Variants in TNFRSF1B observed in about 807,000 individuals in gnomAD.
The protein encoded by TNFRSF1B is TNF receptor superfamily member 1B.
In TNFRSF1B, 19 loss-of-function variants were observed where a neutral mutation model predicts 44.6. That is an observed-to-expected ratio of 0.43 (90% CI 0.30 to 0.62). The LOEUF is 0.62. Ranked by LOEUF, TNFRSF1B falls within the 20% of genes least tolerant of loss-of-function variation. The pLI, the probability that TNFRSF1B is intolerant of heterozygous loss-of-function variation, is 0.16. For missense variants in TNFRSF1B, 541 were observed against 619.9 expected (o/e 0.87, Z 1.35); for synonymous variants, 252 against 261.1 (o/e 0.97, Z 0.34).
intron 1 of TNFRSF1B, among the ~76,000 whole-genome samples, chr1:12,179,336 C>T (rs143949042): frequency 3.9e-5 from 6 of 152,308 alleles, no homozygotes; most frequent in East Asian, 1.9e-4. Flanking sequence ...GTTGCTGTGA[C>T]GACCTGGCCT....
intron 8 of TNFRSF1B, among the ~76,000 whole-genome samples, chr1:12,200,264 ATAT>A (rs146605228): frequency 0.04 from 6,127 of 151,982 alleles, 152 homozygotes; most frequent in Middle Eastern, 0.058. Context: ...TCAGCTAATA[ATAT>A]TATTATTATT....
intron 1 of TNFRSF1B, among the ~76,000 whole-genome samples, chr1:12,174,984 G>A (rs1464625067): frequency 1.3e-5 from 2 of 152,250 alleles, no homozygotes; most frequent in African/African-American, 2.4e-5. Flanking sequence ...GTGGCCCACC[G>A]TCTGCTTCAG....
chr1:12,201,993 G>A lies in TNFRSF1B; in HGVS notation c.927G>A (p.Arg309=). 3.1e-6 allele frequency: 5 copies of A among 1,612,984 alleles called. No homozygotes were observed. Among genetic ancestry groups the A allele is most frequent in the Non-Finnish European group, 4.2e-6 (5 of 1,179,750 alleles). ...KVPHLPADKA[R]GTQGPEQQHL... Reference sequence around the variant, plus strand: ...CTCACTTGCCTGCCGATAAGGCCCGGGGTACACAGGGCCCCGAGCAGCAGC... The same window carrying A: ...CTCACTTGCCTGCCGATAAGGCCCGAGGTACACAGGGCCCCGAGCAGCAGC... The change falls in exon 9 of 10, where the codon CGG becomes CGA. Residue 309 remains arginine, a synonymous_variant. Transcript: ENST00000376259.
intron 9 of TNFRSF1B, 82 bp from the exon 10 acceptor site, chr1:12,206,658 T>C (rs1639508865): frequency 1.4e-6 from 2 of 1,442,874 alleles, no homozygotes. Context: ...CCCATGTGTC[T>C]GAATCTGCAT....
chr1:12,192,392 G>A, intron 4 of TNFRSF1B, 39 bp from the exon 5 acceptor site: 1 of 1,604,288 alleles, frequency 6.2e-7, no homozygotes, highest in Non-Finnish European at 8.5e-7. Context: ...GTCCCGCAGA[G>A]TGTCTGAGTG....
At chr1:12,179,464 G>A (rs973771059) in intron 1 of TNFRSF1B, among the ~76,000 whole-genome samples, 4 of 152,234 alleles carry the variant, frequency 2.6e-5, no homozygotes, top group East Asian at 1.9e-4. Flanking sequence ...TGCAAATGAC[G>A]TGGTTTCCGC....
chr1:12,201,260 CAA>C (rs1177930307), intron 8 of TNFRSF1B, among the ~76,000 whole-genome samples: 14 of 55,794 alleles, frequency 2.5e-4, no homozygotes, highest in East Asian at 5.4e-4. Flanking sequence ...GACCCTGTCT[CAA>C]AAAAAAAAAA....
At position 12,206,925 on chromosome 1, in the gene TNFRSF1B, C is replaced by T. The variant is rs571590743; in HGVS notation, c.1291C>T (p.Arg431Trp). 7.0e-5 allele frequency: 113 copies of T among 1,614,164 alleles called. No individual in the cohort carries two copies. Among genetic ancestry groups the T allele is most frequent in the Middle Eastern group, 4.9e-4 (3 of 6,062 alleles). The part of the protein sequence containing the change: ...VPFSKEECAF[R>W]SQLETPETLL... The stretch of plus-strand genomic sequence containing the variant: ...CTTCTCCAAGGAGGAATGTGCCTTT[C>T]GGTCACAGCTGGAGACGCCAGAGAC... The change falls in exon 10 of 10, where the codon CGG (arginine) becomes TGG (tryptophan). Residue 431 changes from arginine to tryptophan, a missense_variant. Arg to Trp is a moderately radical substitution (Grantham distance 101). Coordinates refer to ENST00000376259, the MANE Select transcript of TNFRSF1B (RefSeq NM_001066.3).
At chr1:12,172,491 G>A (rs924989261) in intron 1 of TNFRSF1B, among the ~76,000 whole-genome samples, 4 of 152,218 alleles carry the variant, frequency 2.6e-5, no homozygotes, top group East Asian at 1.9e-4. Context: ...GGTCTGACCC[G>A]ACTCTCTGGG....
intron 8 of TNFRSF1B, 27 bp from the exon 9 acceptor site, chr1:12,201,940 C>T (rs1027170007): frequency 1.9e-6 from 3 of 1,567,848 alleles, no homozygotes; most frequent in African/African-American, 1.4e-5. Flanking sequence ...GCTGACTGCT[C>T]TCCCCTACCA....
rs778723682 is a variant in TNFRSF1B at position 12,206,839 on chromosome 1, G to T, written c.1205G>T (p.Ser402Ile). ...DHSSQCSSQA[S>I]STMGDTDSSP... The stretch of plus-strand genomic sequence containing the variant: ...AGCTCACAGTGCTCCTCCCAAGCCA[G>T]CTCCACAATGGGAGACACAGATTCC... Residue 402 changes from serine (S) to isoleucine (I), a missense_variant, in exon 10 of 10, where the codon AGC becomes ATC. Ser to Ile is a moderately radical substitution (Grantham distance 142). Coordinates refer to ENST00000376259, the MANE Select transcript of TNFRSF1B (RefSeq NM_001066.3). 6.2e-7 allele frequency: 1 copy of T among 1,614,236 alleles called. No homozygotes were observed. The highest frequency in any genetic ancestry group is 8.5e-7 in the Non-Finnish European group (1 of 1,180,026).
chr1:12,185,879 G>A (rs1437801098), intron 1 of TNFRSF1B, among the ~76,000 whole-genome samples: 2 of 152,196 alleles, frequency 1.3e-5, no homozygotes, highest in Admixed American at 1.3e-4. Context: ...CCCATCTAGC[G>A]AGGGGCCCAG....
chr1:12,167,171 TG>T lies in TNFRSF1B; in HGVS notation c.78+5del. 1 of 1,271,850 alleles carries T rather than the reference TG, an allele frequency of 7.9e-7. No individual in the cohort carries two copies. 78.8% of individuals were successfully genotyped at this position (1,271,850 alleles called of 1,614,324 possible). On this transcript the variant is annotated splice_donor_region_variant and intron_variant, in intron 1 of 9. Transcript: ENST00000376259. ...GCGGCGCACGCCTTGCCCGCCCAGG[TG>T]GGTGACTCGCGCGGCCCACGGGGGA...
At chr1:12,189,518 G>A (rs912469581) in intron 2 of TNFRSF1B, among the ~76,000 whole-genome samples, 1 of 152,210 alleles carries the variant, frequency 6.6e-6, no homozygotes, top group African/African-American at 2.4e-5. Flanking sequence ...CACAGTTGGT[G>A]GAGCTAGGTA....
chr1:12,200,772 GCCA>G (rs1639373262), intron 8 of TNFRSF1B, among the ~76,000 whole-genome samples: 1 of 152,072 alleles, frequency 6.6e-6, no homozygotes, highest in African/African-American at 2.4e-5. Context: ...ACAGGCATGA[GCCA>G]CCACGCCAGC....
intron 9 of TNFRSF1B, among the ~76,000 whole-genome samples, chr1:12,206,234 G>T (rs1639499076): frequency 2.0e-5 from 3 of 151,958 alleles, no homozygotes; most frequent in Non-Finnish European, 2.9e-5. Flanking sequence ...CAAAAAATTA[G>T]CAGGGTGCGG....
At chr1:12,175,706 C>T (rs1194062348) in intron 1 of TNFRSF1B, among the ~76,000 whole-genome samples, 3 of 152,162 alleles carry the variant, frequency 2.0e-5, no homozygotes, top group Non-Finnish European at 1.5e-5. Context: ...TCTCCCTGGA[C>T]ATCACCCCTC....
chr1:12,167,050 G>C lies in TNFRSF1B; in HGVS notation c.-42G>C, dbSNP rs1638399325. On this transcript the variant is annotated 5_prime_UTR_variant, in exon 1 of 10. Transcript: ENST00000376259. ...AGAAGGCGCTGGGCTGCGAGGGCGC[G>C]AGGGCGCGAGGGCAGGGGGCAACCG... is the stretch of plus-strand genomic sequence containing the variant. 8.0e-7 allele frequency: 1 copy of C among 1,252,174 alleles called. No homozygotes were observed. Among genetic ancestry groups the C allele is most frequent in the East Asian group, 3.3e-5 (1 of 30,712 alleles). The allele number at this position is 1,252,174 out of a possible 1,614,324, so 77.6% of individuals were successfully genotyped here.
Position 12,180,358 on chromosome 1 carries a change from C to G in TNFRSF1B, c.79-8438C>G, listed in dbSNP as rs5745984. Among the ~76,000 whole-genome samples the G allele has an allele frequency of 0.017, 2,639 of 152,326 alleles. 38 individuals carry two copies. The highest frequency in any genetic ancestry group is 0.026 in the Non-Finnish European group (1,796 of 68,026). ...GAAGAGCAGAGGGCACCACAGATGC[C>G]GTGCTTTCAGCTTTTTCCTTCTCCT... On this transcript the variant is annotated intron_variant, in intron 1 of 9. Transcript: ENST00000376259. This position sits in a 1 kb window ranked among gnomAD's most constrained non-coding sequence, Gnocchi z 4.3.
Sources: gnomAD v4.1 joint callset for allele counts (sites outside exome capture counted in the v4.1 genomes callset) on GRCh38, gnomAD v4.1.1 for gene constraint, Gnocchi (gnomAD v3.1) non-coding constraint, MANE v1.5 for transcripts, NCBI Gene and HGNC (gene_info 2026-07-23, HGNC 2026-07-21) for gene names.